PLA2G12B: variants seen among roughly 807,000 people sequenced by gnomAD.
The protein encoded by PLA2G12B is group XIIB secretory phospholipase A2-like protein.
A neutral mutation model predicts 22.3 loss-of-function variants in PLA2G12B; 19 were observed. That is an observed-to-expected ratio of 0.85 (90% confidence interval 0.60 to 1.25). PLA2G12B has a LOEUF of 1.25. Ranked by LOEUF, PLA2G12B falls within the 50% of genes most tolerant of loss-of-function variation. The pLI, the probability that PLA2G12B is intolerant of heterozygous loss-of-function variation, is 0.00. For missense variants in PLA2G12B, 191 were observed against 246.6 expected (o/e 0.77, Z 1.51); for synonymous variants, 81 against 94.9 (o/e 0.85, Z 0.85).
chr10:72,938,138 A>G (rs1000379177), intron 3 of PLA2G12B, among the ~76,000 whole-genome samples: 1 of 151,842 alleles, frequency 6.6e-6, no homozygotes, highest in Non-Finnish European at 1.5e-5. Flanking sequence ...AAAGAAAGAA[A>G]GAAAGAAAGA....
chr10:72,936,082 C>T (rs1846275936), intron 3 of PLA2G12B, among the ~76,000 whole-genome samples: 1 of 152,090 alleles, frequency 6.6e-6, no homozygotes, highest in Admixed American at 6.6e-5. Context: ...ATGGCCATAC[C>T]ACCCAGAACA....
rs34740594 is a variant in PLA2G12B, at chr10:72,942,149, GGTGTGTGTGTGTGTGT to G, written c.300+487_300+502del. 6.6e-5 allele frequency among the ~76,000 whole-genome samples: 9 copies of G among 136,038 alleles called. No homozygotes were observed. The South Asian group carries it at 1.0e-3, about 15-fold the overall frequency. 89.2% of individuals were successfully genotyped at this position (136,038 alleles called of 152,430 possible). On this transcript the variant is annotated intron_variant, in intron 2 of 3. Transcript: ENST00000373032. ...AAATACAAAAATTAGCAGGGCGTCG[GGTGTGTGTGTGTGTGT>G]GTGTGTGTGTGTGTGTGTGTGTGCA... is the stretch of plus-strand genomic sequence containing the variant.
At chr10:72,947,800 C>G (rs1281941378) in intron 1 of PLA2G12B, among the ~76,000 whole-genome samples, 1 of 152,134 alleles carries the variant, frequency 6.6e-6, no homozygotes, top group African/African-American at 2.4e-5. Flanking sequence ...CTGGGAATTC[C>G]AAGATCAGGG....
chr10:72,946,555 C>A (rs949934712), intron 1 of PLA2G12B, among the ~76,000 whole-genome samples: 1 of 152,222 alleles, frequency 6.6e-6, no homozygotes, highest in Admixed American at 6.5e-5. Flanking sequence ...ACATTCCCAG[C>A]AGCAATGCGT....
intron 1 of PLA2G12B, among the ~76,000 whole-genome samples, chr10:72,952,268 GGAT>G (rs1327504933): frequency 6.6e-6 from 1 of 152,234 alleles, no homozygotes; most frequent in African/African-American, 2.4e-5. Context: ...CAAGTTGGGA[GGAT>G]TGCTTGAGCC....
chr10:72,953,814 A>C (rs1846570987), intron 1 of PLA2G12B, among the ~76,000 whole-genome samples: 1 of 152,196 alleles, frequency 6.6e-6, no homozygotes, highest in African/African-American at 2.4e-5. Context: ...TCCAGGGGAC[A>C]GCCCCGGGAT....
chr10:72,937,643 A>G (rs1159474254), intron 3 of PLA2G12B, among the ~76,000 whole-genome samples: 1 of 152,204 alleles, frequency 6.6e-6, no homozygotes, highest in Non-Finnish European at 1.5e-5. Flanking sequence ...AATCCTCAAC[A>G]AAATAGTAGT....
intron 3 of PLA2G12B, among the ~76,000 whole-genome samples, chr10:72,939,366 G>A (rs1294802243): frequency 1.2e-4 from 18 of 152,096 alleles, no homozygotes; most frequent in Admixed American, 2.6e-4. Context: ...TAGAATCTAC[G>A]AAGGGACATT....
At chr10:72,935,762 G>A (rs1338862566) in intron 3 of PLA2G12B, 24 bp from the exon 4 acceptor site, 2 of 1,612,542 alleles carry the variant, frequency 1.2e-6, no homozygotes. Flanking sequence ...AAGAGGGACA[G>A]AAAGGTTAAC....
intron 1 of PLA2G12B, among the ~76,000 whole-genome samples, chr10:72,945,811 C>G (rs905841175): frequency 6.6e-6 from 1 of 152,048 alleles, no homozygotes; most frequent in Non-Finnish European, 1.5e-5. Context: ...CCACACCCAG[C>G]TAATCTTTGT....
rs747390247 is a variant in PLA2G12B, at chr10:72,935,716, G to T, written c.489C>A (p.Asp163Glu). ...AGGTCCACACGGTGTTGAACACAGT[G>T]TCAACCAGGGAATCACAGGCTGCTT... Reference protein sequence around the residue: ...KVEAACDSLVDTVFNTVWTLG... With the variant: ...KVEAACDSLVETVFNTVWTLG... The change falls in exon 4 of 4, where the codon GAC becomes GAA. Residue 163 changes from aspartate to glutamate, a missense_variant. By Grantham distance (45) the Asp-to-Glu change is conservative (BLOSUM62 2). Transcript: ENST00000373032. 1 of 1,614,004 alleles carries T rather than the reference G, an allele frequency of 6.2e-7. No individual in the cohort carries two copies. The highest frequency in any genetic ancestry group is 8.5e-7 in the Non-Finnish European group (1 of 1,179,948).
intron 3 of PLA2G12B, among the ~76,000 whole-genome samples, chr10:72,939,693 G>A (rs984494555): frequency 6.6e-6 from 1 of 152,202 alleles, no homozygotes; most frequent in African/African-American, 2.4e-5. Flanking sequence ...CACTCTTTTT[G>A]TAGAATCTAC....
chr10:72,945,744 T>C (rs1183334865), intron 1 of PLA2G12B, among the ~76,000 whole-genome samples: 2 of 151,984 alleles, frequency 1.3e-5, no homozygotes, highest in Non-Finnish European at 2.9e-5. Context: ...GCCTCCCAAG[T>C]TCAAGTGATT....
intron 1 of PLA2G12B, among the ~76,000 whole-genome samples, chr10:72,950,544 G>A (rs550218526): frequency 3.3e-5 from 5 of 152,206 alleles, no homozygotes; most frequent in African/African-American, 7.2e-5. Flanking sequence ...GCAATGGCAC[G>A]ATCTCGGCTC....
In PLA2G12B at chr10:72,935,508, G is replaced by T. The variant is rs543840994; in HGVS notation, c.*109C>A. 2 of 1,462,590 alleles carry T rather than the reference G, an allele frequency of 1.4e-6. No individual in the cohort carries two copies. Among genetic ancestry groups the T allele is most frequent in the South Asian group, 1.3e-5 (1 of 74,498 alleles). The allele number at this position is 1,462,590 out of a possible 1,614,324, so 90.6% of individuals were successfully genotyped here. The stretch of plus-strand genomic sequence containing the variant: ...AATGTTCCCTTTCTCCTGCTTTGTG[G>T]TGTCCAAACTGTTGGAAGAACGAAT... On this transcript the variant is annotated 3_prime_UTR_variant, in exon 4 of 4. Coordinates refer to ENST00000373032, the MANE Select transcript of PLA2G12B (RefSeq NM_032562.5).
At chr10:72,941,428 G>T in intron 2 of PLA2G12B, 94 bp from the exon 3 acceptor site, 1 of 1,261,610 alleles carries the variant, frequency 7.9e-7, no homozygotes, top group Non-Finnish European at 1.1e-6. Context: ...TTATTAACTA[G>T]CTGGTTCTCA....
Position 72,935,431 on chromosome 10 carries a change from G to C in PLA2G12B, c.*186C>G. 1 of 827,944 alleles carries C rather than the reference G, an allele frequency of 1.2e-6. No homozygotes were observed. Among genetic ancestry groups the C allele is most frequent in the Non-Finnish European group, 1.8e-6 (1 of 544,566 alleles). The allele number at this position is 827,944 out of a possible 1,614,324, so 51.3% of individuals were successfully genotyped here. A position where few individuals can be genotyped will look rare whatever the true frequency, so the allele number is the denominator to read the frequency against. On this transcript the variant is annotated 3_prime_UTR_variant, in exon 4 of 4. Coordinates refer to ENST00000373032, the MANE Select transcript of PLA2G12B (RefSeq NM_032562.5). ...AAGAGTAGCTTTCAAACCACTCCAT[G>C]TCTTTTTTCAAATTTCCTCAAAGGA...
In PLA2G12B at chr10:72,942,147, C is replaced by T. The variant is rs1017452947; in HGVS notation, c.300+505G>A. 3.8e-5 allele frequency among the ~76,000 whole-genome samples: 4 copies of T among 106,634 alleles called. No homozygotes were observed. The South Asian group carries it at 1.1e-3, about 28-fold the overall frequency. 70.0% of individuals were successfully genotyped at this position (106,634 alleles called of 152,430 possible). ...AAAAATACAAAAATTAGCAGGGCGT[C>T]GGGTGTGTGTGTGTGTGTGTGTGTG... On this transcript the variant is annotated intron_variant, in intron 2 of 3. Coordinates refer to ENST00000373032, the MANE Select transcript of PLA2G12B (RefSeq NM_032562.5).
intron 2 of PLA2G12B, among the ~76,000 whole-genome samples, 187 bp from the exon 3 acceptor site, chr10:72,941,521 T>C (rs1291334094): frequency 1.3e-5 from 2 of 152,212 alleles, no homozygotes; most frequent in African/African-American, 2.4e-5. Context: ...CAAGTGTTCA[T>C]TGTTACTTAG....
Sources: allele counts gnomAD v4.1 joint callset (sites outside exome capture counted in the v4.1 genomes callset), GRCh38; gene constraint gnomAD v4.1.1; transcripts MANE v1.5; gene names NCBI Gene and HGNC (gene_info 2026-07-23, HGNC 2026-07-21).